UNC5D: variants seen among roughly 807,000 people sequenced by gnomAD.
UNC5D encodes unc-5 netrin receptor D, also known as netrin receptor UNC5D.
A neutral mutation model predicts 105.4 loss-of-function variants in UNC5D; 39 were observed. The observed-to-expected ratio is 0.37, with a 90% CI of 0.29 to 0.48. UNC5D has a LOEUF of 0.48. UNC5D is among the 20% of genes least tolerant of loss of function. The pLI, the probability that UNC5D is intolerant of heterozygous loss-of-function variation, is 0.98. For missense variants in UNC5D, 991 were observed against 1,202.4 expected (o/e 0.82, Z 2.60); for synonymous variants, 452 against 450.4 (o/e 1.00, Z -0.04).
At chr8:35,255,289 T>C (rs1236647252) in intron 1 of UNC5D, 1 of 152,218 alleles carries the variant, frequency 6.6e-6, no homozygotes, top group African/African-American at 2.4e-5. Flanking sequence ...AAATACCACA[T>C]AGTTGTTATT....
intron 1 of UNC5D, among the ~76,000 whole-genome samples, chr8:35,482,884 CTTCTGCCTCCTGGA>C (rs1810575111): frequency 7.4e-6 from 1 of 134,376 alleles, no homozygotes; most frequent in African/African-American, 2.8e-5. Context: ...CTCACTGCAA[CTTCTGCCTCCTGGA>C]TTCAAGCGAT....
intron 4 of UNC5D, among the ~76,000 whole-genome samples, chr8:35,597,363 T>C (rs1819552840): frequency 6.6e-6 from 1 of 152,212 alleles, no homozygotes; most frequent in East Asian, 1.9e-4. Context: ...ACAAACAGCA[T>C]GCCCTCCTTT....
intron 11 of UNC5D, among the ~76,000 whole-genome samples, chr8:35,731,807 T>G (rs1389166132): frequency 6.6e-6 from 1 of 152,216 alleles, no homozygotes; most frequent in Non-Finnish European, 1.5e-5. Flanking sequence ...AGACCTACTC[T>G]ATACTGCCCG....
At position 35,615,534 on chromosome 8, in the gene UNC5D, C is replaced by G. The variant is rs114378903; in HGVS notation, c.570+19877C>G. 2.5e-3 allele frequency among the ~76,000 whole-genome samples: 386 copies of G among 152,208 alleles called. 1 individual carries two copies. The highest frequency in any genetic ancestry group is 9.0e-3 in the African/African-American group (372 of 41,534). ...ATTTAATTTTTGAGACAGAGTCTTG[C>G]TCTGTCACTCAGGCTGGAGTGCAGT... On this transcript the variant is annotated intron_variant, in intron 4 of 16. Transcript: ENST00000404895.
At chr8:35,393,324 G>A (rs1483794289) in intron 1 of UNC5D, among the ~76,000 whole-genome samples, 3 of 151,042 alleles carry the variant, frequency 2.0e-5, no homozygotes, top group Admixed American at 6.6e-5. Flanking sequence ...TAGTAGAGAC[G>A]GGGTTTCACC....
intron 4 of UNC5D, among the ~76,000 whole-genome samples, chr8:35,621,561 G>GTGTATGTGAAGTCAAAGA (rs1366661922): frequency 2.6e-5 from 4 of 152,146 alleles, no homozygotes; most frequent in African/African-American, 9.7e-5. Flanking sequence ...AAGTCAATGA[G>GTGTATGTGAAGTCAAAGA]GGAAGTATGG....
chr8:35,424,577 A>T (rs1170434170), intron 1 of UNC5D, among the ~76,000 whole-genome samples: 2 of 152,092 alleles, frequency 1.3e-5, no homozygotes, highest in East Asian at 3.9e-4. Flanking sequence ...AAAAAACAAG[A>T]TTCCCTAGAC....
chr8:35,296,150 A>T (rs1807471658), intron 1 of UNC5D, among the ~76,000 whole-genome samples: 1 of 152,198 alleles, frequency 6.6e-6, no homozygotes, highest in South Asian at 2.1e-4. Flanking sequence ...TCTTTGAGTT[A>T]TTCCTTTTGT....
Position 35,549,479 on chromosome 8 carries a change from C to A in UNC5D, c.291C>A (p.His97Gln). 1 of 1,612,202 alleles carries A rather than the reference C, an allele frequency of 6.2e-7. No individual in the cohort carries two copies. The highest frequency in any genetic ancestry group is 8.5e-7 in the Non-Finnish European group (1 of 1,179,896). ...CNGEWVHQNE[H>Q]VSEETLDESS... is the part of the protein sequence containing the mutation. Reference sequence around the variant, plus strand: ...GCGAGTGGGTCCATCAGAACGAGCACGTCTCTGAAGAGACTCTGGACGAGA... The same window carrying A: ...GCGAGTGGGTCCATCAGAACGAGCAAGTCTCTGAAGAGACTCTGGACGAGA... The change falls in exon 2 of 17, where the codon CAC (histidine) becomes CAA (glutamine). Residue 97 changes from histidine to glutamine, a missense_variant. By Grantham distance (24) the His-to-Gln change is conservative. Transcript: ENST00000404895.
chr8:35,548,382 C>T (rs1340412284), intron 1 of UNC5D, among the ~76,000 whole-genome samples: 1 of 152,104 alleles, frequency 6.6e-6, no homozygotes, highest in Non-Finnish European at 1.5e-5. Context: ...AATGGCCTTT[C>T]GAGGGTACAA....
intron 1 of UNC5D, among the ~76,000 whole-genome samples, chr8:35,547,327 T>G (rs1208765862): frequency 6.6e-6 from 1 of 150,766 alleles, no homozygotes; most frequent in African/African-American, 2.5e-5. Context: ...AGTCTCACTA[T>G]GTTGCCCAGG....
chr8:35,571,666 C>T (rs922478264), intron 3 of UNC5D, among the ~76,000 whole-genome samples: 3 of 152,164 alleles, frequency 2.0e-5, no homozygotes, highest in East Asian at 1.9e-4. Context: ...AGAGATTTCT[C>T]GCTGCTATTT....
At chr8:35,712,197 G>A (rs1262178655) in intron 8 of UNC5D, among the ~76,000 whole-genome samples, 1 of 152,194 alleles carries the variant, frequency 6.6e-6, no homozygotes, top group Non-Finnish European at 1.5e-5. Context: ...CTTGAACCCA[G>A]GAGGCAGAGG....
At chr8:35,482,513 C>A (rs1810546510) in intron 1 of UNC5D, among the ~76,000 whole-genome samples, 1 of 152,168 alleles carries the variant, frequency 6.6e-6, no homozygotes, top group African/African-American at 2.4e-5. Flanking sequence ...ACTTTCTAGT[C>A]ACTTTGCCAC....
intron 1 of UNC5D, among the ~76,000 whole-genome samples, chr8:35,520,227 A>G (rs1363503784): frequency 6.6e-6 from 1 of 152,158 alleles, no homozygotes; most frequent in African/African-American, 2.4e-5. Context: ...TTATTTGTCA[A>G]TATAAAGAAA....
chr8:35,332,618 A>G (rs1351432704), intron 1 of UNC5D, among the ~76,000 whole-genome samples: 2 of 152,220 alleles, frequency 1.3e-5, no homozygotes, highest in South Asian at 2.1e-4. Flanking sequence ...GAGCAATTTA[A>G]TTGTATGCAA....
chr8:35,730,203 A>T (rs1410164585), intron 10 of UNC5D, among the ~76,000 whole-genome samples: 6 of 152,166 alleles, frequency 3.9e-5, no homozygotes, highest in African/African-American at 1.2e-4. Flanking sequence ...TGCCCTCCTT[A>T]GACTCTTCTT....
At chr8:35,405,258 G>T (rs1415915020) in intron 1 of UNC5D, among the ~76,000 whole-genome samples, 1 of 152,158 alleles carries the variant, frequency 6.6e-6, no homozygotes, top group African/African-American at 2.4e-5. Flanking sequence ...GTATGGGGAG[G>T]CTAGTGGTGG....
intron 11 of UNC5D, among the ~76,000 whole-genome samples, chr8:35,734,027 A>AT (rs1411721219): frequency 1.3e-5 from 2 of 152,030 alleles, no homozygotes; most frequent in African/African-American, 4.8e-5. Flanking sequence ...ATGCCAGAAC[A>AT]TTGCATTCAA....
Sources: gnomAD v4.1 joint callset for allele counts (sites outside exome capture counted in the v4.1 genomes callset) on GRCh38, gnomAD v4.1.1 for gene constraint, MANE v1.5 for transcripts, NCBI Gene and HGNC (gene_info 2026-07-23, HGNC 2026-07-21) for gene names.